TPTE: variants seen among roughly 807,000 people sequenced by gnomAD.
The protein encoded by TPTE is transmembrane phosphatase with tensin homology.
In TPTE, 59 loss-of-function variants were observed where a neutral mutation model predicts 84.1. The ratio of observed to expected loss-of-function variants is 0.70; its 90% CI spans 0.57 to 0.87. The LOEUF (loss-of-function observed/expected upper bound fraction) is 0.87. Ranked by LOEUF, TPTE falls within the 40% of genes least tolerant of loss-of-function variation. The probability of loss-of-function intolerance (pLI) is 0.00; values close to 1 mark genes in which losing one functional copy is unlikely to be tolerated. For missense variants in TPTE, 382 were observed against 659.6 expected, an observed-to-expected ratio of 0.58 and a Z score of 4.61; for synonymous variants, 130 against 223.5, an observed-to-expected ratio of 0.58 and a Z score of 3.73.
chr21:10,562,235 C>T (rs1444819378), intron 10 of TPTE, among the ~76,000 whole-genome samples: 1 of 152,310 alleles, frequency 6.6e-6, no homozygotes, highest in Admixed American at 6.5e-5. Flanking sequence ...CAAGTTCTTT[C>T]AAATATCTGG....
At chr21:10,544,611 C>T (rs1252936358) in intron 7 of TPTE, among the ~76,000 whole-genome samples, 12 of 152,302 alleles carry the variant, frequency 7.9e-5, no homozygotes, top group Admixed American at 7.9e-4. Context: ...GTCTTGAACT[C>T]CTGCCCTCGT....
intron 8 of TPTE, among the ~76,000 whole-genome samples, chr21:10,556,396 T>C (rs1474966889): frequency 6.6e-6 from 1 of 152,312 alleles, no homozygotes; most frequent in Non-Finnish European, 1.5e-5. Context: ...GGCTGCTTAG[T>C]ATTCCATGGT....
intron 3 of TPTE, among the ~76,000 whole-genome samples, chr21:10,537,173 T>G (rs1292949846): frequency 6.6e-6 from 1 of 152,312 alleles, no homozygotes; most frequent in East Asian, 1.9e-4. Flanking sequence ...CAGCTGAATT[T>G]GAAATAAAGT....
At chr21:10,582,032 G>T (rs186548982) in intron 17 of TPTE, among the ~76,000 whole-genome samples, 158 of 151,916 alleles carry the variant, frequency 1.0e-3, no homozygotes, top group African/African-American at 3.5e-3. Context: ...ATCATGCCTG[G>T]AGAGAAGTTT....
intron 21 of TPTE, 44 bp from the exon 22 acceptor site, chr21:10,602,008 GTTATCA>G: frequency 6.3e-7 from 1 of 1,581,680 alleles, no homozygotes; most frequent in Non-Finnish European, 8.7e-7. Context: ...GAACTTCATT[GTTATCA>G]TTATCTAGGT....
intron 2 of TPTE, among the ~76,000 whole-genome samples, chr21:10,525,206 G>GA (rs2074057228): frequency 6.6e-6 from 1 of 152,312 alleles, no homozygotes; most frequent in African/African-American, 2.4e-5. Flanking sequence ...TTTTATTAGT[G>GA]AAATTGGCGG....
chr21:10,536,685 T>A (rs1221046588), intron 3 of TPTE, among the ~76,000 whole-genome samples: 2 of 152,312 alleles, frequency 1.3e-5, no homozygotes, highest in African/African-American at 4.8e-5. Flanking sequence ...TCTTTTACAC[T>A]GTTTATAAAC....
chr21:10,573,043 G>A (rs1403066237), intron 14 of TPTE, among the ~76,000 whole-genome samples: 7 of 152,010 alleles, frequency 4.6e-5, no homozygotes, highest in East Asian at 3.8e-4. Flanking sequence ...AAGATATAGA[G>A]TTGGCTGCCA....
At position 10,525,905 on chromosome 21, in the gene TPTE, A is replaced by G. The variant is rs369067227; in HGVS notation, c.-102+1217A>G. ...TAGTTTCCCAAGGAACTTGCTTAGC[A>G]ATCCTGGCTTGTCACCTGAATCTGG... On this transcript the variant is annotated intron_variant, in intron 2 of 23. Transcript: ENST00000618007. Among the ~76,000 whole-genome samples, 10 of 152,428 alleles carry G rather than the reference A, an allele frequency of 6.6e-5. No homozygotes were observed. The East Asian group carries it at 1.5e-3, about 23-fold the overall frequency.
At chr21:10,544,944 T>G (rs1417177131) in intron 7 of TPTE, among the ~76,000 whole-genome samples, 2 of 152,304 alleles carry the variant, frequency 1.3e-5, no homozygotes, top group African/African-American at 4.8e-5. Context: ...AAAATTTCAT[T>G]ACAAACATCT....
At chr21:10,542,251 G>T (rs1439672442) in intron 5 of TPTE, 144 bp from the exon 6 acceptor site, 3 of 1,032,230 alleles carry the variant, frequency 2.9e-6, no homozygotes, top group Non-Finnish European at 4.3e-6. Context: ...AAGAGGAAAA[G>T]ACATTCCAGG....
chr21:10,557,330 C>T (rs890623082), intron 8 of TPTE, among the ~76,000 whole-genome samples: 10 of 152,414 alleles, frequency 6.6e-5, no homozygotes, highest in East Asian at 1.9e-4. Context: ...TTACATAGTA[C>T]TCTTTTTTTA....
intron 3 of TPTE, among the ~76,000 whole-genome samples, chr21:10,529,892 C>G (rs11184144): frequency 0.018 from 2,756 of 151,200 alleles, no homozygotes; most frequent in Non-Finnish European, 0.02. Context: ...TCAGTTGTAA[C>G]TGTGATCATT....
chr21:10,554,277 A>T (rs550929970), intron 8 of TPTE, among the ~76,000 whole-genome samples: 30 of 152,418 alleles, frequency 2.0e-4, no homozygotes, highest in African/African-American at 7.0e-4. Context: ...CAAGTTTTTA[A>T]CTTACAAAAA....
rs370631185 is a variant in TPTE at position 10,590,507 on chromosome 21, T to C, written c.1073T>C (p.Ile358Thr). ...MVCAFLIASE[I>T]CSTAKESLYY... ...TGTGCCTTCCTTATTGCCTCTGAAA[T>C]ATGTTCAACTGCAAAGGTATGAAAG... Residue 358 changes from isoleucine to threonine, a missense_variant, in exon 18 of 24, where the codon ATA (isoleucine) becomes ACA (threonine). Transcript: ENST00000618007. The C allele has an allele frequency of 6.2e-7, 1 of 1,614,008 alleles. No individual in the cohort carries two copies. The highest frequency in any genetic ancestry group is 8.5e-7 in the Non-Finnish European group (1 of 1,179,936).
chr21:10,561,451 C>T (rs1047253645), intron 10 of TPTE, among the ~76,000 whole-genome samples: 4 of 150,314 alleles, frequency 2.7e-5, no homozygotes, highest in Non-Finnish European at 4.4e-5. Context: ...GAGATCATGC[C>T]ATTGCACTCT....
chr21:10,565,978 C>T (rs1489051708), intron 10 of TPTE, among the ~76,000 whole-genome samples: 6 of 152,308 alleles, frequency 3.9e-5, no homozygotes, highest in Non-Finnish European at 8.8e-5. Context: ...ACCTGACAAG[C>T]ACAGGCTACC....
chr21:10,552,886 A>G (rs868548815), intron 8 of TPTE, among the ~76,000 whole-genome samples, 170 bp downstream of exon 8: 1 of 152,302 alleles, frequency 6.6e-6, no homozygotes, highest in Admixed American at 6.5e-5. Flanking sequence ...TTAGACAAGT[A>G]TTATTTTGAA....
chr21:10,548,939 G>GATGGC (rs1350062471), intron 7 of TPTE, among the ~76,000 whole-genome samples: 2 of 152,292 alleles, frequency 1.3e-5, no homozygotes, highest in African/African-American at 2.4e-5. Context: ...TGGCTAGAGT[G>GATGGC]ATGGCACCAT....
Sources: gnomAD v4.1 joint callset for allele counts (sites outside exome capture counted in the v4.1 genomes callset) on GRCh38, gnomAD v4.1.1 for gene constraint, MANE v1.5 for transcripts, NCBI Gene and HGNC (gene_info 2026-07-23, HGNC 2026-07-21) for gene names.